The following DHX57 variants were observed in gnomAD, a reference collection of about 807,000 sequenced individuals.
The protein encoded by DHX57 is putative ATP-dependent RNA helicase DHX57.
DHX57 carries 105 observed loss-of-function variants against 156.2 expected under a neutral mutation model. The observed-to-expected ratio is 0.67, with a 90% confidence interval of 0.57 to 0.79. DHX57 has a LOEUF of 0.79. Among genes scored for constraint, DHX57 ranks in the 30% least tolerant of loss-of-function variants. The pLI, the probability that DHX57 is intolerant of heterozygous loss-of-function variation, is 0.00. For synonymous variants in DHX57, 704 were observed against 595.6 expected, an observed-to-expected ratio of 1.18 and a Z score of -2.65; for missense variants, 1,847 against 1,661.9, an observed-to-expected ratio of 1.11 and a Z score of -1.94.
In DHX57 at chr2:38,848,328, GT is replaced by G; in HGVS notation, c.2104del (p.Thr702LeufsTer2). 6.2e-7 allele frequency: 1 copy of G among 1,612,766 alleles called. No individual in the cohort carries two copies. Among genetic ancestry groups the G allele is most frequent in the Non-Finnish European group, 8.5e-7 (1 of 1,179,468 alleles). On this transcript the variant is annotated frameshift_variant, in exon 10 of 24. Coordinates refer to ENST00000457308, the MANE Select transcript of DHX57 (RefSeq NM_198963.3). LOFTEE classifies it high-confidence loss of function. ...GTCTGAAAAAAGCTCAGCGTTTAGA[GT>G]TGCACTCATTAAAATAACTTGAAGA... ...PGLQVILMSA[T>X]LNAELFSDYF...
intron 20 of DHX57, 39 bp downstream of exon 20, chr2:38,815,482 T>TA: frequency 6.2e-7 from 1 of 1,612,992 alleles, no homozygotes; most frequent in South Asian, 1.1e-5. Flanking sequence ...ATTTAGGTGC[T>TA]AATTAAAGAG....
Position 38,854,050 on chromosome 2 carries a change from T to A in DHX57, c.2030+4A>T. ...TGTGTTCCCTGGGAAAGTCTTTGTT[T>A]TACCTTTCTTCTGTCCTCTCATGAA... On this transcript the variant is annotated splice_donor_region_variant and intron_variant, in intron 9 of 23. Transcript: ENST00000457308. 6.2e-7 allele frequency: 1 copy of A among 1,603,406 alleles called. No individual in the cohort carries two copies. The highest frequency in any genetic ancestry group is 8.5e-7 in the Non-Finnish European group (1 of 1,174,744).
Position 38,858,749 on chromosome 2 carries a change from T to C in DHX57, c.1499A>G (p.Lys500Arg). Residue 500 changes from lysine to arginine, a missense_variant, in exon 6 of 24, where the codon AAG (lysine) becomes AGG (arginine). Coordinates refer to ENST00000457308, the MANE Select transcript of DHX57 (RefSeq NM_198963.3). ...IVENESYVNLKKKISKRYDWQ... is the reference protein window; with the variant it reads ...IVENESYVNLRKKISKRYDWQ... Reference sequence around the variant, plus strand: ...GTCATATCTTTTGGAAATCTTTTTCTTAAGGTTCACATAGCTTTCATTCTC... The same window carrying C: ...GTCATATCTTTTGGAAATCTTTTTCCTAAGGTTCACATAGCTTTCATTCTC... The C allele has an allele frequency of 1.2e-6, 2 of 1,614,154 alleles. No homozygotes were observed. The highest frequency in any genetic ancestry group is 1.7e-6 in the Non-Finnish European group (2 of 1,180,024).
At chr2:38,813,614 C>T (rs576458593) in intron 21 of DHX57, among the ~76,000 whole-genome samples, 54 of 151,688 alleles carry the variant, frequency 3.6e-4, no homozygotes, top group East Asian at 1.4e-3. Flanking sequence ...CCTCGTGATC[C>T]GCCCGCCTCG....
At chr2:38,832,648 C>T (rs1671444300) in intron 13 of DHX57, among the ~76,000 whole-genome samples, 2 of 151,042 alleles carry the variant, frequency 1.3e-5, no homozygotes, top group African/African-American at 4.9e-5. Flanking sequence ...TGGGTTCAAG[C>T]AACTCTCCTG....
intron 6 of DHX57, 28 bp from the exon 7 acceptor site, chr2:38,856,489 T>G: frequency 1.9e-6 from 3 of 1,565,310 alleles, no homozygotes; most frequent in Non-Finnish European, 2.6e-6. Flanking sequence ...AAGATATCAG[T>G]TGGGTTACTT....
chr2:38,840,837 T>C (rs971051364), intron 12 of DHX57, among the ~76,000 whole-genome samples: 3 of 152,206 alleles, frequency 2.0e-5, no homozygotes, highest in Non-Finnish European at 4.4e-5. Flanking sequence ...TTTTCTTTTT[T>C]TTGAGACAAG....
intron 22 of DHX57, among the ~76,000 whole-genome samples, chr2:38,805,423 A>G (rs1669892340): frequency 1.3e-5 from 2 of 152,220 alleles, no homozygotes; most frequent in South Asian, 4.1e-4. Flanking sequence ...GAATTGACAT[A>G]GTCTAATTGA....
intron 17 of DHX57, among the ~76,000 whole-genome samples, chr2:38,819,428 G>A (rs549984162): frequency 1.1e-4 from 16 of 152,074 alleles, no homozygotes; most frequent in Admixed American, 3.9e-4. Context: ...GGCCCACCTC[G>A]GCCTACCAAA....
At chr2:38,812,867 A>G (rs979267019) in intron 21 of DHX57, among the ~76,000 whole-genome samples, 5 of 15,848 alleles carry the variant, frequency 3.2e-4, no homozygotes, top group Non-Finnish European at 4.2e-4. Context: ...TTTGTTTTTG[A>G]GACAGAGTCT....
chr2:38,813,369 A>G (rs1286415782), intron 21 of DHX57, among the ~76,000 whole-genome samples: 1 of 151,754 alleles, frequency 6.6e-6, no homozygotes, highest in Non-Finnish European at 1.5e-5. Context: ...TTGAAAATGT[A>G]TACTAAGTTT....
chr2:38,825,218 C>G (rs1003070545), intron 16 of DHX57, among the ~76,000 whole-genome samples: 2 of 152,088 alleles, frequency 1.3e-5, no homozygotes, highest in African/African-American at 4.8e-5. Flanking sequence ...TGGTACCTAG[C>G]CTTTTCTCAC....
At chr2:38,860,420 G>C (rs1444725184) in intron 5 of DHX57, among the ~76,000 whole-genome samples, 2 of 152,162 alleles carry the variant, frequency 1.3e-5, no homozygotes, top group Admixed American at 6.5e-5. Flanking sequence ...CTGCACTCCA[G>C]CTTGGGGGAC....
chr2:38,804,854 C>T (rs1324877522), intron 22 of DHX57, among the ~76,000 whole-genome samples: 2 of 152,192 alleles, frequency 1.3e-5, no homozygotes, highest in Non-Finnish European at 2.9e-5. Flanking sequence ...TCCCTGACCA[C>T]CCCACGTGCA....
At position 38,861,472 on chromosome 2, in the gene DHX57, CA is replaced by C. The variant is rs1474030516; in HGVS notation, c.937del (p.Cys313ValfsTer22). 6.2e-7 allele frequency: 1 copy of C among 1,614,062 alleles called. No individual in the cohort carries two copies. Among genetic ancestry groups the C allele is most frequent in the East Asian group, 2.2e-5 (1 of 44,884 alleles). On this transcript the variant is annotated frameshift_variant, in exon 5 of 24. Coordinates refer to ENST00000457308, the MANE Select transcript of DHX57 (RefSeq NM_198963.3). LOFTEE classifies it high-confidence loss of function. ...GAATCTGCATTTTGATCCAAATTTA[CA>C]ATTTCCTTTGAGGTAAAATTTACAG... ...EICKFYLKGN[C>X]KFGSKCRFKH...
chr2:38,803,778 C>T (rs1193086296), intron 22 of DHX57, among the ~76,000 whole-genome samples: 2 of 119,886 alleles, frequency 1.7e-5, no homozygotes, highest in African/African-American at 5.4e-5. Flanking sequence ...TGTGAGTCAC[C>T]ACACCCAGCC....
At chr2:38,798,479 G>T in intron 23 of DHX57, 37 bp from the exon 24 acceptor site, 1 of 1,579,058 alleles carries the variant, frequency 6.3e-7, no homozygotes, top group South Asian at 1.2e-5. Context: ...GTGCTTGGAG[G>T]AACAGGCAGG....
chr2:38,861,367 T>C lies in DHX57; in HGVS notation c.1043A>G (p.Asp348Gly), dbSNP rs556369945. 1.2e-5 allele frequency: 19 copies of C among 1,613,790 alleles called. No individual in the cohort carries two copies. The highest frequency in any genetic ancestry group is 4.4e-5 in the South Asian group (4 of 91,026). ...TTCAAGTTCATATAAAAAAGATGCATCTTCAATAGCATTAAGATGAGAATC... is the reference window on the plus strand; with the variant it reads ...TTCAAGTTCATATAAAAAAGATGCACCTTCAATAGCATTAAGATGAGAATC... ...VDDSHLNAIE[D>G]ASFLYELEIR... Residue 348 changes from aspartate (D) to glycine (G), a missense_variant, in exon 5 of 24, where the codon GAT (aspartate) becomes GGT (glycine). Coordinates refer to ENST00000457308, the MANE Select transcript of DHX57 (RefSeq NM_198963.3).
At chr2:38,837,095 T>C (rs2124855986) in intron 13 of DHX57, among the ~76,000 whole-genome samples, 1 of 152,232 alleles carries the variant, frequency 6.6e-6, no homozygotes, top group African/African-American at 2.4e-5. Flanking sequence ...ATGATTCACC[T>C]TCCTTGGCCT....
Sources: gnomAD v4.1 joint callset for allele counts (sites outside exome capture counted in the v4.1 genomes callset) on GRCh38, gnomAD v4.1.1 for gene constraint, MANE v1.5 for transcripts, NCBI Gene and HGNC (gene_info 2026-07-23, HGNC 2026-07-21) for gene names.